Variants in THEMIS observed in about 807,000 individuals in gnomAD.
The protein encoded by THEMIS is thymocyte selection associated.
THEMIS carries 37 observed loss-of-function variants against 52.6 expected under a neutral mutation model. The observed-to-expected ratio is 0.70, with a 90% CI of 0.54 to 0.93. The LOEUF is 0.93. THEMIS is among the 40% of genes least tolerant of loss of function. The probability of loss-of-function intolerance (pLI) is 0.00; values close to 1 mark genes in which losing one functional copy is unlikely to be tolerated. For synonymous variants in THEMIS, 292 were observed against 272.7 expected (o/e 1.07, Z -0.70); for missense variants, 808 against 763.1 (o/e 1.06, Z -0.69).
intron 1 of THEMIS, among the ~76,000 whole-genome samples, chr6:127,907,031 T>C (rs1781288639): frequency 6.6e-6 from 1 of 151,764 alleles, no homozygotes; most frequent in African/African-American, 2.4e-5. Context: ...TTCAGTGCAA[T>C]GTAATATTTC....
intron 4 of THEMIS, among the ~76,000 whole-genome samples, chr6:127,744,051 G>C (rs1775298661): frequency 6.6e-6 from 1 of 152,064 alleles, no homozygotes; most frequent in African/African-American, 2.4e-5. Context: ...TCAGGTACAA[G>C]GATCAGTGTT....
intron 4 of THEMIS, among the ~76,000 whole-genome samples, chr6:127,789,109 T>C (rs1777073589): frequency 6.6e-6 from 1 of 151,966 alleles, no homozygotes; most frequent in Non-Finnish European, 1.5e-5. Flanking sequence ...TTTGAAAAGA[T>C]TAACAAAATA....
At chr6:127,713,781 C>A (rs957588687) in intron 5 of THEMIS, among the ~76,000 whole-genome samples, 3 of 151,592 alleles carry the variant, frequency 2.0e-5, no homozygotes, top group African/African-American at 7.3e-5. Context: ...AGCTATGAGG[C>A]CAACATATCC....
chr6:127,708,146 C>T (rs900100626), downstream of THEMIS: 4 of 151,940 alleles, frequency 2.6e-5, no homozygotes, highest in Non-Finnish European at 5.9e-5. Flanking sequence ...TTAACTTAAT[C>T]GTTACAGGAA....
Position 127,709,828 on chromosome 6 carries a change from T to C in THEMIS, c.*157A>G. On this transcript the variant is annotated 3_prime_UTR_variant, in exon 6 of 6. Transcript: ENST00000368248. ...ATATCATAGGTTTCTGTAAGTTTTA[T>C]CTGTTAAAAGTTTTAAGGTTGTTCT... 4.8e-6 allele frequency: 3 copies of C among 626,098 alleles called. No individual in the cohort carries two copies. Among genetic ancestry groups the C allele is most frequent in the Non-Finnish European group, 8.2e-6 (3 of 365,440 alleles). The allele number at this position is 626,098 out of a possible 1,614,324, so 38.8% of individuals were successfully genotyped here.
chr6:127,748,048 C>A (rs948201224), intron 4 of THEMIS, among the ~76,000 whole-genome samples: 1 of 152,096 alleles, frequency 6.6e-6, no homozygotes, highest in South Asian at 2.1e-4. Flanking sequence ...CAAGAAGACA[C>A]TCAATTTTTT....
chr6:127,829,705 A>G lies in THEMIS; in HGVS notation c.480T>C (p.Thr160=). 1.2e-6 allele frequency: 2 copies of G among 1,614,118 alleles called. No homozygotes were observed. The highest frequency in any genetic ancestry group is 8.5e-7 in the Non-Finnish European group (1 of 1,180,008). Residue 160 remains threonine (T), a synonymous_variant, in exon 3 of 6, where the codon ACT becomes ACC. Coordinates refer to ENST00000368248, the MANE Select transcript of THEMIS (RefSeq NM_001010923.3). ...GTGACAAAGGCAAATTAAATGAGTG[A>G]GTTTGATGATTCCTTGCTACTGCAC... ...VSCAVARNHQ[T]HSFNLPLSQE...
intron 1 of THEMIS, among the ~76,000 whole-genome samples, chr6:127,876,846 C>T (rs957157440): frequency 6.6e-6 from 1 of 151,888 alleles, no homozygotes; most frequent in Non-Finnish European, 1.5e-5. Context: ...ATTATAATAC[C>T]CTTATAATTT....
At chr6:127,819,301 C>T (rs1778252838) in intron 3 of THEMIS, among the ~76,000 whole-genome samples, 1 of 151,304 alleles carries the variant, frequency 6.6e-6, no homozygotes, top group Non-Finnish European at 1.5e-5. Flanking sequence ...AAAAATAGAA[C>T]ATAATATAAT....
downstream of THEMIS, among the ~76,000 whole-genome samples, chr6:127,703,501 G>A (rs556766068): frequency 2.0e-5 from 3 of 152,242 alleles, no homozygotes; most frequent in South Asian, 6.2e-4. Flanking sequence ...CCAAGCTGCA[G>A]CTTCCTGTGT....
intron 1 of THEMIS, chr6:127,868,454 C>G (rs1241218820): frequency 2.0e-6 from 2 of 985,252 alleles, no homozygotes; most frequent in Non-Finnish European, 2.4e-6. Flanking sequence ...GATAAAGACA[C>G]CTTCAAGATC....
At chr6:127,862,728 T>G (rs2114342269) in intron 1 of THEMIS, among the ~76,000 whole-genome samples, 1 of 151,876 alleles carries the variant, frequency 6.6e-6, no homozygotes, top group East Asian at 1.9e-4. Flanking sequence ...CCCCAGGAGA[T>G]GAATTCTATG....
rs113448516 is a variant in THEMIS at position 127,875,038 on chromosome 6, A to C, written c.92-19850T>G. ...AACTGTGCATGCATGCAGGGGATCT[A>C]GGTTGTGTGCTCCTTATAAGAATCT... On this transcript the variant is annotated intron_variant, in intron 1 of 5. Transcript: ENST00000368248. 3.3e-3 allele frequency among the ~76,000 whole-genome samples: 505 copies of C among 152,318 alleles called. 3 individuals are homozygous for C. The highest frequency in any genetic ancestry group is 3.6e-3 in the Non-Finnish European group (244 of 68,024).
intron 2 of THEMIS, among the ~76,000 whole-genome samples, chr6:127,852,863 T>C (rs1779478256): frequency 6.6e-6 from 1 of 151,568 alleles, no homozygotes; most frequent in African/African-American, 2.4e-5. Flanking sequence ...CCATTTTCAC[T>C]CTGTCCTTTA....
intron 1 of THEMIS, among the ~76,000 whole-genome samples, chr6:127,886,548 G>T (rs1365569592): frequency 1.3e-5 from 2 of 152,036 alleles, no homozygotes; most frequent in Non-Finnish European, 2.9e-5. Context: ...TTCACTTGGG[G>T]TCCTGGACCA....
chr6:127,903,008 C>T (rs1020617636), upstream of THEMIS, among the ~76,000 whole-genome samples: 4 of 152,088 alleles, frequency 2.6e-5, no homozygotes, highest in African/African-American at 2.4e-5. Flanking sequence ...TGCTTCTGCT[C>T]TCGCGACAGA....
At chr6:127,890,098 G>A (rs979209464) in intron 1 of THEMIS, among the ~76,000 whole-genome samples, 1 of 152,066 alleles carries the variant, frequency 6.6e-6, no homozygotes. Context: ...CAGAGTGATA[G>A]CCACAAATAT....
At chr6:127,736,341 A>G (rs553664991) in intron 4 of THEMIS, among the ~76,000 whole-genome samples, 85 of 152,288 alleles carry the variant, frequency 5.6e-4, no homozygotes, top group African/African-American at 1.8e-3. Flanking sequence ...AAACACAAAC[A>G]TATATATAGC....
At chr6:127,799,571 C>CTTTT (rs1777457742) in intron 4 of THEMIS, among the ~76,000 whole-genome samples, 1 of 150,176 alleles carries the variant, frequency 6.7e-6, no homozygotes, top group Non-Finnish European at 1.5e-5. Context: ...TTCTTTCTTT[C>CTTTT]TTTCTTTCTT....
Sources: gnomAD v4.1 joint callset for allele counts (sites outside exome capture counted in the v4.1 genomes callset) on GRCh38, gnomAD v4.1.1 for gene constraint, MANE v1.5 for transcripts, NCBI Gene and HGNC (gene_info 2026-07-23, HGNC 2026-07-21) for gene names.